The following SAMSN1 variants were observed in gnomAD, a reference collection of about 807,000 sequenced individuals.
The protein encoded by SAMSN1 is SAM domain, SH3 domain and nuclear localization signals 1.
Under a neutral mutation model 42.0 loss-of-function variants are expected in SAMSN1, and 31 were observed. That is an observed-to-expected ratio of 0.74 (90% CI 0.55 to 1.00). SAMSN1 has a LOEUF of 1.00. Among genes scored for constraint, SAMSN1 ranks in the 50% least tolerant of loss-of-function variants. The probability of loss-of-function intolerance (pLI) is 0.00; values close to 1 mark genes in which losing one functional copy is unlikely to be tolerated. For missense variants in SAMSN1, 464 were observed against 439.4 expected (o/e 1.06, Z -0.50); for synonymous variants, 178 against 151.9 (o/e 1.17, Z -1.26).
intron 2 of SAMSN1, among the ~76,000 whole-genome samples, chr21:14,625,445 T>C (rs1244108850): frequency 1.3e-5 from 2 of 152,172 alleles, no homozygotes; most frequent in African/African-American, 2.4e-5. Flanking sequence ...GGATACAAAA[T>C]CAATGTACAA....
rs112292385 is a variant in SAMSN1, at chr21:14,501,150, A to T, written c.562-415T>A. On this transcript the variant is annotated intron_variant, in intron 5 of 7. Coordinates refer to ENST00000400566, the MANE Select transcript of SAMSN1 (RefSeq NM_022136.5). ...ACAGTGAGATCCTATCTTAAAAAAA[A>T]TTCAAAGAAGTTACTTACTAGTTAT... is the stretch of plus-strand genomic sequence containing the variant. Among the ~76,000 whole-genome samples the T allele has an allele frequency of 7.5e-4, 114 of 152,334 alleles. 1 individual carries two copies. The highest frequency in any genetic ancestry group is 2.6e-3 in the African/African-American group (108 of 41,578).
intron 1 of SAMSN1, among the ~76,000 whole-genome samples, chr21:14,648,676 T>G: frequency 6.7e-6 from 1 of 150,216 alleles, no homozygotes; most frequent in South Asian, 2.1e-4. Flanking sequence ...AAAATGCTCA[T>G]CATCACTGGC....
At chr21:14,657,322 T>A (rs923943828) in intron 1 of SAMSN1, among the ~76,000 whole-genome samples, 2 of 151,826 alleles carry the variant, frequency 1.3e-5, no homozygotes, top group Non-Finnish European at 2.9e-5. Context: ...ACAAGTAACT[T>A]CTTAAGGACA....
intron 7 of SAMSN1, among the ~76,000 whole-genome samples, chr21:14,493,362 T>C (rs1425210574): frequency 1.3e-5 from 2 of 152,164 alleles, no homozygotes; most frequent in Non-Finnish European, 2.9e-5. Context: ...GCAAACAAGG[T>C]ATTTCCATCA....
At chr21:14,589,940 C>A (rs1391575493) in intron 7 of SAMSN1, among the ~76,000 whole-genome samples, 1 of 152,080 alleles carries the variant, frequency 6.6e-6, no homozygotes, top group Non-Finnish European at 1.5e-5. Context: ...TGGAGTTTTT[C>A]AAAAATTAAT....
At chr21:14,523,028 C>T (rs1045807741) in intron 1 of SAMSN1, among the ~76,000 whole-genome samples, 10 of 152,222 alleles carry the variant, frequency 6.6e-5, no homozygotes, top group African/African-American at 2.2e-4. Flanking sequence ...AAACCCTGCA[C>T]AGACAGTGAC....
intron 3 of SAMSN1, among the ~76,000 whole-genome samples, chr21:14,516,117 C>T (rs920647511): frequency 5.3e-5 from 8 of 152,148 alleles, no homozygotes; most frequent in Non-Finnish European, 1.0e-4. Flanking sequence ...CTCTATTAGA[C>T]ATGGAGTTAC....
At chr21:14,593,736 AT>A in intron 7 of SAMSN1, 2 of 262,082 alleles carry the variant, frequency 7.6e-6, no homozygotes, top group South Asian at 1.0e-4. Context: ...AACATTATAA[AT>A]TTTTTCCTAT....
intron 4 of SAMSN1, chr21:14,612,524 A>G: frequency 2.5e-6 from 1 of 403,190 alleles, no homozygotes; most frequent in East Asian, 6.9e-5. Flanking sequence ...CTAATTTTTT[A>G]TTGTCTCCTA....
intron 5 of SAMSN1, among the ~76,000 whole-genome samples, chr21:14,602,682 T>A (rs1031492549): frequency 3.9e-5 from 6 of 152,186 alleles, no homozygotes; most frequent in Admixed American, 2.6e-4. Context: ...AAATATATGG[T>A]ATGTTAAAAG....
At chr21:14,580,952 G>GA (rs1417320319) in intron 2 of SAMSN1, among the ~76,000 whole-genome samples, 5 of 151,096 alleles carry the variant, frequency 3.3e-5, no homozygotes, top group Non-Finnish European at 5.9e-5. Flanking sequence ...CAAGGAAATT[G>GA]AAAAAAAAGT....
intron 2 of SAMSN1, among the ~76,000 whole-genome samples, chr21:14,566,366 T>A (rs1021551012): frequency 2.0e-5 from 3 of 152,162 alleles, no homozygotes; most frequent in Non-Finnish European, 4.4e-5. Flanking sequence ...ACACCAGTGA[T>A]TTTCATTTCC....
chr21:14,508,591 C>A (rs749478247), intron 5 of SAMSN1, among the ~76,000 whole-genome samples: 3 of 152,188 alleles, frequency 2.0e-5, no homozygotes, highest in Non-Finnish European at 2.9e-5. Context: ...AAAAGGAACA[C>A]TTCTACACTG....
chr21:14,492,220 T>C (rs758179719), intron 7 of SAMSN1, among the ~76,000 whole-genome samples: 1 of 152,312 alleles, frequency 6.6e-6, no homozygotes, highest in South Asian at 2.1e-4. Context: ...TTGATTGTGT[T>C]TCACGTTATT....
At chr21:14,495,273 T>A (rs1986871257) in intron 7 of SAMSN1, among the ~76,000 whole-genome samples, 2 of 152,206 alleles carry the variant, frequency 1.3e-5, no homozygotes, top group South Asian at 4.1e-4. Flanking sequence ...GGAGATATGA[T>A]TCACAGAGTA....
At chr21:14,591,645 T>C (rs149654998) in intron 7 of SAMSN1, among the ~76,000 whole-genome samples, 2 of 152,244 alleles carry the variant, frequency 1.3e-5, no homozygotes, top group African/African-American at 4.8e-5. Flanking sequence ...AAAGATTGCA[T>C]AAGGTGAGAG....
intron 5 of SAMSN1, among the ~76,000 whole-genome samples, chr21:14,605,807 G>GATTT (rs567638495): frequency 0.15 from 21,662 of 143,982 alleles, 2,001 homozygotes; most frequent in East Asian, 0.22. Context: ...ATGTAAAGAA[G>GATTT]ATTTATTTAT....
chr21:14,538,308 A>T (rs568113363), intron 1 of SAMSN1, among the ~76,000 whole-genome samples: 1 of 152,200 alleles, frequency 6.6e-6, no homozygotes, highest in Non-Finnish European at 1.5e-5. Flanking sequence ...TGTACCCCAG[A>T]TGAAGAAGTA....
At chr21:14,558,691 A>C (rs1380496498) in intron 2 of SAMSN1, among the ~76,000 whole-genome samples, 1 of 151,536 alleles carries the variant, frequency 6.6e-6, no homozygotes, top group African/African-American at 2.4e-5. Context: ...AATTAAAACA[A>C]AAACAAAAAC....
Sources: allele counts gnomAD v4.1 joint callset (sites outside exome capture counted in the v4.1 genomes callset), GRCh38; gene constraint gnomAD v4.1.1; transcripts MANE v1.5; gene names NCBI Gene and HGNC (gene_info 2026-07-23, HGNC 2026-07-21).